Variants in USP31 observed in about 807,000 individuals in gnomAD.
USP31 encodes ubiquitin specific peptidase 31, also known as ubiquitin carboxyl-terminal hydrolase 31.
In USP31, 44 loss-of-function variants were observed where a neutral mutation model predicts 119.4. The observed-to-expected ratio is 0.37, with a 90% confidence interval of 0.29 to 0.47. USP31 has a LOEUF of 0.47. Among genes scored for constraint, USP31 ranks in the 20% least tolerant of loss-of-function variants. USP31 has a pLI of 0.99. For missense variants in USP31, 1,643 were observed against 1,730.2 expected (o/e 0.95, Z 0.89); for synonymous variants, 749 against 705.6 (o/e 1.06, Z -0.97).
intron 1 of USP31, among the ~76,000 whole-genome samples, chr16:23,129,865 C>G (rs1902974580): frequency 6.6e-6 from 1 of 152,172 alleles, no homozygotes; most frequent in Admixed American, 6.6e-5. Flanking sequence ...GGGATGTACT[C>G]TGGACCCAGG....
At chr16:23,101,146 G>A (rs1166252267) in intron 6 of USP31, among the ~76,000 whole-genome samples, 1 of 152,192 alleles carries the variant, frequency 6.6e-6, no homozygotes, top group African/African-American at 2.4e-5. Context: ...CTAGACAGGA[G>A]AAAGTTCAGT....
intron 6 of USP31, among the ~76,000 whole-genome samples, chr16:23,091,201 TCC>T (rs1259705755): frequency 6.6e-6 from 1 of 152,200 alleles, no homozygotes; most frequent in Non-Finnish European, 1.5e-5. Flanking sequence ...CAGTTTCTTC[TCC>T]CTGATTAAAG....
At position 23,069,188 on chromosome 16, in the gene USP31, C is replaced by T. The variant is rs773723274; in HGVS notation, c.2917G>A (p.Gly973Arg). ...CCAGAGAGCGGGGGCAGGCGGTCCC[C>T]TTGTGCTGAATGTTTGCTCTGTGTA... ...VDTQSKHSAQGDRLPPLSGPF... is the reference protein window; with the variant it reads ...VDTQSKHSAQRDRLPPLSGPF... Residue 973 changes from glycine (G) to arginine (R), a missense_variant, in exon 16 of 16, where the codon GGG becomes AGG. Gly to Arg is a moderately radical substitution (Grantham distance 125). Around this residue, in one of 5 missense-constraint regions of USP31, gnomAD observed 699 missense variants for 650.9 expected, o/e 1.07. Transcript: ENST00000219689. 2 of 1,614,160 alleles carry T rather than the reference C, an allele frequency of 1.2e-6. No individual in the cohort carries two copies. Among genetic ancestry groups the T allele is most frequent in the Non-Finnish European group, 1.7e-6 (2 of 1,180,024 alleles).
At chr16:23,112,812 T>C (rs1272998498) in intron 1 of USP31, among the ~76,000 whole-genome samples, 2 of 151,988 alleles carry the variant, frequency 1.3e-5, no homozygotes, top group African/African-American at 2.4e-5. Flanking sequence ...GCGGATCACC[T>C]GAGGTCGGGA....
At position 23,148,948 on chromosome 16, in the gene USP31, G is replaced by A. The variant is rs1294638893; in HGVS notation, c.323C>T (p.Pro108Leu). ...PAAAPTPPPCPPPPASPAPPA... is the reference protein window; with the variant it reads ...PAAAPTPPPCLPPPASPAPPA... ...CGGCGCGGGAGAGGCGGGCGGCGGCGGGCACGGCGGCGGCGTGGGCGCGGC... is the reference window on the plus strand; with the variant it reads ...CGGCGCGGGAGAGGCGGGCGGCGGCAGGCACGGCGGCGGCGTGGGCGCGGC... Residue 108 changes from proline to leucine, a missense_variant, in exon 1 of 16, where the codon CCG (proline) becomes CTG (leucine). Pro to Leu is a moderately conservative substitution (Grantham distance 98). This residue lies in a region of USP31 where 302 missense variants were observed against 262.6 expected (regional missense o/e 1.15). Transcript: ENST00000219689. 2.8e-6 allele frequency: 3 copies of A among 1,060,342 alleles called. No homozygotes were observed. Among genetic ancestry groups the A allele is most frequent in the South Asian group, 4.4e-5 (1 of 22,820 alleles). 65.7% of individuals were successfully genotyped at this position (1,060,342 alleles called of 1,614,324 possible). A position where few individuals can be genotyped will look rare whatever the true frequency, so the allele number is the denominator to read the frequency against.
Position 23,069,463 on chromosome 16 carries a change from G to T in USP31, c.2642C>A (p.Ser881Tyr). 1 of 1,614,210 alleles carries T rather than the reference G, an allele frequency of 6.2e-7. No homozygotes were observed. Among genetic ancestry groups the T allele is most frequent in the Non-Finnish European group, 8.5e-7 (1 of 1,180,040 alleles). ...AKLQMRSNSP[S>Y]RFSGDSPIHS... ...AATTGGCGAATCCCCTGAAAATCGG[G>T]ATGGAGAATTGGAGCGCATCTGCAG... The change falls in exon 16 of 16, where the codon TCC becomes TAC. Residue 881 changes from serine (S) to tyrosine (Y), a missense_variant. This residue lies in a region of USP31 where 699 missense variants were observed against 650.9 expected (regional missense o/e 1.07). Transcript: ENST00000219689.
Position 23,062,105 on chromosome 16 carries a change from A to C in USP31, c.*5941T>G, listed in dbSNP as rs1899856445. On this transcript the variant is annotated 3_prime_UTR_variant, in exon 16 of 16. Transcript: ENST00000219689. Reference sequence around the variant, plus strand: ...TTCTAAAGAAACATTTCCAACTTGCATGTCTACTTGTATCTTCATTCCTTA... The same window carrying C: ...TTCTAAAGAAACATTTCCAACTTGCCTGTCTACTTGTATCTTCATTCCTTA... 6.5e-6 allele frequency: 1 copy of C among 152,674 alleles called. No individual in the cohort carries two copies. The highest frequency in any genetic ancestry group is 6.5e-5 in the Admixed American group (1 of 15,288). 9.5% of individuals were successfully genotyped at this position (152,674 alleles called of 1,614,324 possible).
chr16:23,069,175 G>A lies in USP31; in HGVS notation c.2930C>T (p.Pro977Leu), dbSNP rs1236771498. Residue 977 changes from proline (P) to leucine (L), a missense_variant, in exon 16 of 16, where the codon CCC (proline) becomes CTC (leucine). Coordinates refer to ENST00000219689, the MANE Select transcript of USP31 (RefSeq NM_020718.4). ...SKHSAQGDRLPPLSGPFDNNN... is the reference protein window; with the variant it reads ...SKHSAQGDRLLPLSGPFDNNN... ...GTTATCAAATGGACCAGAGAGCGGG[G>A]GCAGGCGGTCCCCTTGTGCTGAATG... The A allele has an allele frequency of 1.2e-6, 2 of 1,614,172 alleles. No homozygotes were observed. Among genetic ancestry groups the A allele is most frequent in the Non-Finnish European group, 1.7e-6 (2 of 1,180,040 alleles).
chr16:23,145,048 C>A (rs1270950953), intron 1 of USP31, among the ~76,000 whole-genome samples: 1 of 152,146 alleles, frequency 6.6e-6, no homozygotes, highest in East Asian at 1.9e-4. Context: ...ACCCCCACTG[C>A]TCTCTATGGT....
At chr16:23,113,625 A>G (rs143508955) in intron 1 of USP31, among the ~76,000 whole-genome samples, 96 of 152,320 alleles carry the variant, frequency 6.3e-4, no homozygotes, top group Middle Eastern at 3.4e-3. Flanking sequence ...CAGAATATTT[A>G]TCAGAGAGGG....
At chr16:23,083,814 A>G (rs574943769) in intron 11 of USP31, among the ~76,000 whole-genome samples, 1 of 151,686 alleles carries the variant, frequency 6.6e-6, no homozygotes, top group African/African-American at 2.4e-5. Flanking sequence ...TACAAAAGCT[A>G]TTTTCAAATA....
intron 1 of USP31, among the ~76,000 whole-genome samples, chr16:23,108,662 TA>T (rs1177242740): frequency 6.6e-6 from 1 of 152,184 alleles, no homozygotes; most frequent in South Asian, 2.1e-4. Context: ...AAAAATCATT[TA>T]GGGGGGTGTA....
chr16:23,070,181 C>T (rs1900286874), intron 15 of USP31, among the ~76,000 whole-genome samples: 1 of 152,128 alleles, frequency 6.6e-6, no homozygotes, highest in Non-Finnish European at 1.5e-5. Flanking sequence ...ATTGACCCAG[C>T]TTCATTACCT....
chr16:23,083,515 T>G (rs1159141556), intron 11 of USP31, among the ~76,000 whole-genome samples: 1 of 150,986 alleles, frequency 6.6e-6, no homozygotes, highest in Non-Finnish European at 1.5e-5. Flanking sequence ...GTGAGATGTG[T>G]TGTGGAATAC....
At chr16:23,104,432 G>T (rs1420259537) in intron 5 of USP31, among the ~76,000 whole-genome samples, 1 of 152,192 alleles carries the variant, frequency 6.6e-6, no homozygotes, top group Non-Finnish European at 1.5e-5. Context: ...AACCAGATTT[G>T]CCCTGGACAC....
chr16:23,081,318 C>T (rs1305984717), intron 12 of USP31, among the ~76,000 whole-genome samples: 1 of 152,200 alleles, frequency 6.6e-6, no homozygotes, highest in East Asian at 1.9e-4. Flanking sequence ...TTTCCACCTG[C>T]AGATCCCAAC....
intron 6 of USP31, among the ~76,000 whole-genome samples, chr16:23,091,458 C>T (rs1267857340): frequency 6.6e-6 from 1 of 152,196 alleles, no homozygotes; most frequent in Non-Finnish European, 1.5e-5. Flanking sequence ...TGCCTGACTA[C>T]CTGTTCATTC....
intron 1 of USP31, chr16:23,115,621 T>A (rs1902463330): frequency 4.2e-6 from 1 of 238,218 alleles, no homozygotes; most frequent in Non-Finnish European, 6.8e-6. Context: ...AAAAAAATAT[T>A]AAACTGAGTC....
intron 1 of USP31, among the ~76,000 whole-genome samples, chr16:23,128,645 T>C (rs1206059253): frequency 6.6e-6 from 1 of 152,176 alleles, no homozygotes; most frequent in Non-Finnish European, 1.5e-5. Flanking sequence ...AAAAAAGGAA[T>C]GTTAGAATTA....
Sources: allele counts gnomAD v4.1 joint callset (sites outside exome capture counted in the v4.1 genomes callset), GRCh38; gene constraint gnomAD v4.1.1; regional missense constraint gnomAD v4.1.1; transcripts MANE v1.5; gene names NCBI Gene and HGNC (gene_info 2026-07-23, HGNC 2026-07-21).